OPA1: variants seen among roughly 807,000 people sequenced by gnomAD.
OPA1 encodes the protein dynamin-like GTPase OPA1, mitochondrial.
Under a neutral mutation model 152.9 loss-of-function variants are expected in OPA1, and 59 were observed. The observed-to-expected ratio is 0.39, with a 90% CI of 0.31 to 0.48. The LOEUF is 0.48. OPA1 is among the 20% of genes least tolerant of loss of function. OPA1 has a pLI of 0.96. For synonymous variants in OPA1, 400 were observed against 389.9 expected, an observed-to-expected ratio of 1.03 and a Z score of -0.31; for missense variants, 1,008 against 1,216.8, an observed-to-expected ratio of 0.83 and a Z score of 2.55.
At chr3:193,599,982 C>CT (rs1332000953) in intron 1 of OPA1, among the ~76,000 whole-genome samples, 2 of 152,236 alleles carry the variant, frequency 1.3e-5, no homozygotes, top group Non-Finnish European at 2.9e-5. Context: ...ACTCAGCAGT[C>CT]TATGAGTGGT....
In OPA1 at chr3:193,666,359, A is replaced by G. The variant is rs763191488; in HGVS notation, c.2842A>G (p.Thr948Ala). Residue 948 changes from threonine (T) to alanine (A), a missense_variant, in exon 28 of 31, where the codon ACT becomes GCT. Physicochemically the swap from Thr to Ala is moderately conservative, Grantham distance 58. This residue lies in a region of OPA1 where 137 missense variants were observed against 171.0 expected (regional missense o/e 0.80). Coordinates refer to ENST00000361510, the MANE Select transcript of OPA1 (RefSeq NM_130837.3). ...IQRMLAITAN[T>A]LRQQLTNTEV... ...GCGCATGCTTGCTATCACCGCAAAT[A>G]CTTTAAGGCAACAACTTACAAATAC... 6.2e-7 allele frequency: 1 copy of G among 1,614,142 alleles called. No individual in the cohort carries two copies. Among genetic ancestry groups the G allele is most frequent in the South Asian group, 1.1e-5 (1 of 91,080 alleles).
intron 29 of OPA1, among the ~76,000 whole-genome samples, chr3:193,685,546 G>C (rs368462344): frequency 3.1e-4 from 47 of 152,280 alleles, no homozygotes; most frequent in African/African-American, 1.1e-3. Context: ...AGCAAGCAGT[G>C]CTATGCTGGG....
chr3:193,692,650 T>C (rs1284302266), intron 30 of OPA1, among the ~76,000 whole-genome samples: 1 of 152,248 alleles, frequency 6.6e-6, no homozygotes, highest in Non-Finnish European at 1.5e-5. Flanking sequence ...ATTTACTTTC[T>C]TGTCTGATTC....
At chr3:193,673,103 T>G (rs978358636) in intron 29 of OPA1, among the ~76,000 whole-genome samples, 1 of 152,084 alleles carries the variant, frequency 6.6e-6, no homozygotes, top group African/African-American at 2.4e-5. Flanking sequence ...AAATGGAGGG[T>G]TAGGAACTCG....
chr3:193,640,691 C>T (rs1733651729), intron 11 of OPA1, among the ~76,000 whole-genome samples: 1 of 152,236 alleles, frequency 6.6e-6, no homozygotes, highest in East Asian at 1.9e-4. Flanking sequence ...GGACTGAAGT[C>T]CCTTTAAGTT....
intron 11 of OPA1, among the ~76,000 whole-genome samples, chr3:193,640,629 C>T (rs1473880840): frequency 6.6e-6 from 1 of 152,154 alleles, no homozygotes; most frequent in Non-Finnish European, 1.5e-5. Flanking sequence ...ATCGTGGTGA[C>T]TCTAGGAGTG....
intron 9 of OPA1, among the ~76,000 whole-genome samples, chr3:193,636,739 T>G (rs1733008573): frequency 6.6e-6 from 1 of 152,220 alleles, no homozygotes; most frequent in Non-Finnish European, 1.5e-5. Context: ...TCTTCCTGGT[T>G]TATCCTTTAT....
intron 9 of OPA1, among the ~76,000 whole-genome samples, chr3:193,636,113 T>G (rs1381339398): frequency 6.6e-6 from 1 of 152,138 alleles, no homozygotes; most frequent in East Asian, 1.9e-4. Flanking sequence ...AACTTAAATC[T>G]CATATAAGTA....
At chr3:193,628,664 G>C (rs1485203831) in intron 7 of OPA1, 1 of 152,180 alleles carries the variant, frequency 6.6e-6, no homozygotes, top group Non-Finnish European at 1.5e-5. Flanking sequence ...TTGAACAACA[G>C]GACATGAACT....
At chr3:193,609,185 A>G (rs1323928282) in intron 1 of OPA1, among the ~76,000 whole-genome samples, 1 of 152,042 alleles carries the variant, frequency 6.6e-6, no homozygotes, top group Non-Finnish European at 1.5e-5. Flanking sequence ...TTTTAATTGG[A>G]GCATTTAGCC....
chr3:193,619,724 G>A (rs976558493), intron 6 of OPA1: 8 of 152,002 alleles, frequency 5.3e-5, no homozygotes, highest in African/African-American at 1.7e-4. Context: ...TTGTATGAAT[G>A]TTTTAACATT....
rs1252724864 is a variant in OPA1, at chr3:193,655,152, C to G, written c.2178+125C>G. 20 of 845,124 alleles carry G rather than the reference C, an allele frequency of 2.4e-5. No homozygotes were observed. The South Asian group carries it at 2.8e-4, about 12-fold the overall frequency. 52.4% of individuals were successfully genotyped at this position (845,124 alleles called of 1,614,324 possible). A position where few individuals can be genotyped will look rare whatever the true frequency, so the allele number is the denominator to read the frequency against. On this transcript the variant is annotated intron_variant, in intron 22 of 30. Transcript: ENST00000361510. ...TTTAGGTCTTTATATCTCATTTATT[C>G]TTTATTCCTCATCTCTGTTTTGGGA...
intron 1 of OPA1, among the ~76,000 whole-genome samples, chr3:193,609,410 G>C (rs1381746063): frequency 2.6e-5 from 4 of 152,194 alleles, no homozygotes; most frequent in Non-Finnish European, 5.9e-5. Context: ...GAGATCAGCT[G>C]TTGGTCTGAT....
chr3:193,645,259 G>T (rs140947578), intron 16 of OPA1, among the ~76,000 whole-genome samples: 1 of 152,120 alleles, frequency 6.6e-6, no homozygotes, highest in African/African-American at 2.4e-5. Flanking sequence ...TTTACTTAAG[G>T]TCGCATAACT....
chr3:193,593,268 C>A lies in OPA1; in HGVS notation c.-110C>A. The A allele has an allele frequency of 6.0e-6, 7 of 1,163,380 alleles. No individual in the cohort carries two copies. The highest frequency in any genetic ancestry group is 7.1e-6 in the Non-Finnish European group (6 of 849,112). The allele number at this position is 1,163,380 out of a possible 1,614,324, so 72.1% of individuals were successfully genotyped here. A position where few individuals can be genotyped will look rare whatever the true frequency, so the allele number is the denominator to read the frequency against. ...CCTCGGCCGCGGCTCTGTGCCCTTG[C>A]TGCTGAGGGCCACTTCCTGGGTCAT... On this transcript the variant is annotated 5_prime_UTR_variant, in exon 1 of 31. The change creates a new upstream start codon in the 5' untranslated region. Coordinates refer to ENST00000361510, the MANE Select transcript of OPA1 (RefSeq NM_130837.3).
chr3:193,668,982 T>A, intron 29 of OPA1: 2 of 454,992 alleles, frequency 4.4e-6, no homozygotes, highest in Non-Finnish European at 5.8e-6. Flanking sequence ...CAGCTTCGTG[T>A]AACAAAGTAT....
intron 6 of OPA1, among the ~76,000 whole-genome samples, chr3:193,625,292 G>A (rs1730902422): frequency 6.7e-6 from 1 of 148,232 alleles, no homozygotes; most frequent in East Asian, 1.9e-4. Flanking sequence ...GGTCCAAACT[G>A]TGTTTTGTTT....
intron 8 of OPA1, among the ~76,000 whole-genome samples, chr3:193,633,918 T>C (rs1352582410): frequency 1.3e-5 from 2 of 152,154 alleles, no homozygotes; most frequent in Non-Finnish European, 2.9e-5. Flanking sequence ...TATGTAAAAA[T>C]ATGTTTATAG....
chr3:193,676,725 A>G (rs562993466), intron 29 of OPA1, among the ~76,000 whole-genome samples: 6 of 152,290 alleles, frequency 3.9e-5, no homozygotes, highest in Non-Finnish European at 4.4e-5. Context: ...TCACGCCTGT[A>G]ATCCCAGCAC....
Sources: allele counts gnomAD v4.1 joint callset (sites outside exome capture counted in the v4.1 genomes callset), GRCh38; gene constraint gnomAD v4.1.1; regional missense constraint gnomAD v4.1.1; transcripts MANE v1.5; gene names NCBI Gene and HGNC (gene_info 2026-07-23, HGNC 2026-07-21).